The following IGF2R variants were observed in gnomAD, a reference collection of about 807,000 sequenced individuals.
IGF2R encodes the protein cation-independent mannose-6-phosphate receptor.
A neutral mutation model predicts 270.6 loss-of-function variants in IGF2R; 91 were observed. The ratio of observed to expected loss-of-function variants is 0.34; its 90% CI spans 0.28 to 0.40. The LOEUF (loss-of-function observed/expected upper bound fraction) is 0.40, where lower values mean the gene tolerates loss of function less well. IGF2R is among the 10% of genes least tolerant of loss of function. The probability of loss-of-function intolerance (pLI) is 1.00; values close to 1 mark genes in which losing one functional copy is unlikely to be tolerated. For synonymous variants in IGF2R, 1,316 were observed against 1,258.9 expected (o/e 1.05, Z -0.96); for missense variants, 2,805 against 3,188.3 (o/e 0.88, Z 2.90).
chr6:160,068,263 A>C lies in IGF2R; in HGVS notation c.4130A>C (p.Asn1377Thr). 1 of 1,614,128 alleles carries C rather than the reference A, an allele frequency of 6.2e-7. No homozygotes were observed. The highest frequency in any genetic ancestry group is 8.5e-7 in the Non-Finnish European group (1 of 1,180,014). Residue 1377 changes from asparagine (N) to threonine (T), a missense_variant, in exon 30 of 48, where the codon AAC becomes ACC. Transcript: ENST00000356956. ...CTTCTTTTCAGAGATGGGGCTGGCA[A>C]CTCCTTCGACCTCTCGTCCCTGTCA... Reference protein sequence around the residue: ...TECSFKDGAGNSFDLSSLSRY... With the variant: ...TECSFKDGAGTSFDLSSLSRY...
intron 14 of IGF2R, among the ~76,000 whole-genome samples, chr6:160,046,249 G>C (rs1778067548): frequency 6.6e-6 from 1 of 152,158 alleles, no homozygotes; most frequent in Non-Finnish European, 1.5e-5. Context: ...CAGCAGTTAT[G>C]GGCTTTGAAT....
rs765283200 is a variant in IGF2R at position 160,060,572 on chromosome 6, C to CT, written c.3120dup (p.Val1041CysfsTer4). On this transcript the variant is annotated frameshift_variant, in exon 23 of 48. Coordinates refer to ENST00000356956, the MANE Select transcript of IGF2R (RefSeq NM_000876.4). LOFTEE classifies it high-confidence loss of function. ...GTACCGCTGATGCTTTTATCGTCCG[C>CT]TTTGTTTGCAATGATGATGTTTACT... 1 of 1,614,298 alleles carries CT rather than the reference C, an allele frequency of 6.2e-7. No homozygotes were observed. Among genetic ancestry groups the CT allele is most frequent in the South Asian group, 1.1e-5 (1 of 91,088 alleles).
chr6:159,982,387 G>A (rs769772200), intron 1 of IGF2R, among the ~76,000 whole-genome samples: 16 of 152,212 alleles, frequency 1.1e-4, no homozygotes, highest in Non-Finnish European at 2.1e-4. Context: ...TTGCGTGCAT[G>A]TCGAAAGTAG....
intron 4 of IGF2R, among the ~76,000 whole-genome samples, chr6:160,022,061 T>G (rs1583264694): frequency 1.4e-5 from 2 of 140,564 alleles, no homozygotes; most frequent in South Asian, 5.0e-4. Context: ...GGAATACCAC[T>G]CAGCCGTAAG....
In IGF2R at chr6:160,111,064, T is replaced by TC. The variant is rs1367145425; in HGVS notation, c.*5984dup. 6.6e-6 allele frequency: 1 copy of TC among 152,164 alleles called. No homozygotes were observed. Among genetic ancestry groups the TC allele is most frequent in the African/African-American group, 2.4e-5 (1 of 41,446 alleles). 9.4% of individuals were successfully genotyped at this position (152,164 alleles called of 1,614,324 possible). ...TTCAGAGAGTAGATCTTGTGTTCTT[T>TC]CCCCTCTCCAAATAAAAGGAAATTA... is the stretch of plus-strand genomic sequence containing the variant. On this transcript the variant is annotated 3_prime_UTR_variant, in exon 48 of 48. Coordinates refer to ENST00000356956, the MANE Select transcript of IGF2R (RefSeq NM_000876.4).
Position 160,084,176 on chromosome 6 carries a change from C to G in IGF2R, c.6060C>G (p.Asn2020Lys), listed in dbSNP as rs748324423. The change falls in exon 40 of 48, where the codon AAC (asparagine) becomes AAG (lysine). Residue 2020 changes from asparagine to lysine, a missense_variant. This residue lies in a region of IGF2R where 1,851 missense variants were observed against 2,207.2 expected (regional missense o/e 0.84). Transcript: ENST00000356956. The surrounding 1 kb of genome is among the most constrained non-coding windows in gnomAD (Gnocchi z 4.6). The part of the protein sequence containing the change: ...SLTGSWSLVH[N>K]GVSYYINLCQ... ...CCGGGTCCTGGTCCCTCGTCCACAA[C>G]GGAGTCTCGTGAGTGCCTTCCCAGT... The G allele has an allele frequency of 3.7e-6, 6 of 1,606,874 alleles. No individual in the cohort carries two copies. In the South Asian group the frequency reaches 5.5e-5, roughly 15 times the overall value.
At chr6:159,995,924 T>C (rs1300142698) in intron 2 of IGF2R, among the ~76,000 whole-genome samples, 3 of 148,040 alleles carry the variant, frequency 2.0e-5, no homozygotes, top group East Asian at 2.1e-4. Flanking sequence ...TTAATACTTC[T>C]AGAGTTGTTA....
chr6:160,090,775 A>G (rs1211671767), intron 44 of IGF2R, among the ~76,000 whole-genome samples: 1 of 152,274 alleles, frequency 6.6e-6, no homozygotes, highest in Non-Finnish European at 1.5e-5. Flanking sequence ...TCTGATGTCA[A>G]AGAGCTGCCG....
In IGF2R at chr6:159,998,768, T is replaced by G. The variant is rs1784087799; in HGVS notation, c.289+7445T>G. ...AACTGGAGAGAGCAGTTTGTATGAGTCAATGAGAGTGACATTCACAGTAGC... is the reference window on the plus strand; with the variant it reads ...AACTGGAGAGAGCAGTTTGTATGAGGCAATGAGAGTGACATTCACAGTAGC... On this transcript the variant is annotated intron_variant, in intron 2 of 47. Transcript: ENST00000356956. The surrounding 1 kb of genome is among the most constrained non-coding windows in gnomAD (Gnocchi z 4.1). Among the ~76,000 whole-genome samples, 1 of 152,116 alleles carries G rather than the reference T, an allele frequency of 6.6e-6. No homozygotes were observed. Among genetic ancestry groups the G allele is most frequent in the Admixed American group, 6.5e-5 (1 of 15,268 alleles).
intron 4 of IGF2R, among the ~76,000 whole-genome samples, chr6:160,013,859 T>G (rs1337054920): frequency 6.6e-6 from 1 of 152,204 alleles, no homozygotes; most frequent in African/African-American, 2.4e-5. Flanking sequence ...CTGCTTTCAG[T>G]TTGATTTGAT....
intron 19 of IGF2R, among the ~76,000 whole-genome samples, chr6:160,055,202 C>T (rs1362930552): frequency 6.6e-6 from 1 of 152,142 alleles, no homozygotes; most frequent in Non-Finnish European, 1.5e-5. Flanking sequence ...GCCTAGGTTG[C>T]CCAGTTCAGC....
chr6:160,078,412 G>A (rs771076827), intron 37 of IGF2R, 50 bp downstream of exon 37: 1 of 1,562,218 alleles, frequency 6.4e-7, no homozygotes, highest in Admixed American at 1.7e-5. Flanking sequence ...CAGGTGCCAG[G>A]TGCTGTGAGG....
Position 160,084,250 on chromosome 6 carries a change from G to A in IGF2R, c.6068+66G>A, listed in dbSNP as rs8191916. The A allele has an allele frequency of 2.4e-4, 231 of 961,006 alleles. No homozygotes were observed. In the Middle Eastern group the frequency reaches 3.5e-3, roughly 14 times the overall value. The allele number at this position is 961,006 out of a possible 1,614,324, so 59.5% of individuals were successfully genotyped here. On this transcript the variant is annotated intron_variant, in intron 40 of 47. Transcript: ENST00000356956. This position sits in a 1 kb window ranked among gnomAD's most constrained non-coding sequence, Gnocchi z 4.6. ...GCATGTGAACTTCAGACTGCTTGAC[G>A]ATGGTTGGCTCTTTTGGGTTCTCAA... is the stretch of plus-strand genomic sequence containing the variant.
intron 27 of IGF2R, 111 bp downstream of exon 27, chr6:160,063,741 TAAA>T (rs112146659): frequency 7.3e-4 from 456 of 624,870 alleles, no homozygotes; most frequent in Middle Eastern, 1.3e-3. Context: ...TGTTCTACTG[TAAA>T]AAAAAAAAAA....
At position 160,044,732 on chromosome 6, in the gene IGF2R, C is replaced by T. The variant is rs575678350; in HGVS notation, c.1765+75C>T. 28 of 1,164,766 alleles carry T rather than the reference C, an allele frequency of 2.4e-5. No homozygotes were observed. In the African/African-American group the frequency reaches 4.2e-4, roughly 17 times the overall value. The allele number at this position is 1,164,766 out of a possible 1,614,324, so 72.2% of individuals were successfully genotyped here. A position where few individuals can be genotyped will look rare whatever the true frequency, so the allele number is the denominator to read the frequency against. On this transcript the variant is annotated intron_variant, in intron 13 of 47. Transcript: ENST00000356956. ...CTGCATTCTTCATATCTCTGTTCCT[C>T]ATCAGTCACTGCAAAGCTGATCAGA...
At chr6:160,006,885 G>C (rs1039572655) in intron 2 of IGF2R, 2 of 150,088 alleles carry the variant, frequency 1.3e-5, no homozygotes, top group African/African-American at 4.9e-5. Context: ...TTTTCGCTAG[G>C]AGTAATCATT....
chr6:159,996,161 G>T (rs2115187541), intron 2 of IGF2R, among the ~76,000 whole-genome samples: 1 of 152,272 alleles, frequency 6.6e-6, no homozygotes, highest in South Asian at 2.1e-4. Context: ...ATGTGCTTGG[G>T]TGTGTGAGCA....
intron 10 of IGF2R, among the ~76,000 whole-genome samples, chr6:160,036,662 G>A (rs1009944289): frequency 2.6e-5 from 4 of 152,200 alleles, no homozygotes; most frequent in Non-Finnish European, 4.4e-5. Context: ...TATGAGAAGG[G>A]CATTATATCG....
chr6:160,061,117 G>A (rs1475389561), intron 23 of IGF2R, among the ~76,000 whole-genome samples: 5 of 152,168 alleles, frequency 3.3e-5, no homozygotes, highest in Admixed American at 2.0e-4. Context: ...TTGACCTCTG[G>A]GATTGACCCT....
Sources: gnomAD v4.1 joint callset for allele counts (sites outside exome capture counted in the v4.1 genomes callset) on GRCh38, gnomAD v4.1.1 for gene constraint, gnomAD v4.1.1 regional missense constraint, Gnocchi (gnomAD v3.1) non-coding constraint, MANE v1.5 for transcripts, NCBI Gene and HGNC (gene_info 2026-07-23, HGNC 2026-07-21) for gene names.